Variants in SORCS1 observed in about 807,000 individuals in gnomAD.
SORCS1 encodes VPS10 domain-containing receptor SorCS1.
A neutral mutation model predicts 146.1 loss-of-function variants in SORCS1; 60 were observed. That is an observed-to-expected ratio of 0.41 (90% CI 0.33 to 0.51). The LOEUF (loss-of-function observed/expected upper bound fraction) is 0.51. SORCS1 is among the 20% of genes least tolerant of loss of function. SORCS1 has a pLI of 0.21. For synonymous variants in SORCS1, 637 were observed against 584.0 expected, an observed-to-expected ratio of 1.09 and a Z score of -1.31; for missense variants, 1,352 against 1,487.6, an observed-to-expected ratio of 0.91 and a Z score of 1.50.
chr10:106,662,006 C>T (rs1302136607), intron 17 of SORCS1, among the ~76,000 whole-genome samples: 2 of 152,188 alleles, frequency 1.3e-5, no homozygotes, highest in Non-Finnish European at 2.9e-5. Context: ...GCCACTGGAC[C>T]AAGGAGCAGG....
chr10:106,806,970 C>T (rs553043377), intron 3 of SORCS1, among the ~76,000 whole-genome samples: 1 of 152,102 alleles, frequency 6.6e-6, no homozygotes, highest in Non-Finnish European at 1.5e-5. Flanking sequence ...TAGTCCTGAA[C>T]ACAATATCAA....
intron 1 of SORCS1, among the ~76,000 whole-genome samples, chr10:106,983,019 C>T (rs2139365205): frequency 6.6e-6 from 1 of 150,736 alleles, no homozygotes; most frequent in South Asian, 2.1e-4. Flanking sequence ...ACCAAAGGTG[C>T]TTAAAAAAAA....
intron 17 of SORCS1, among the ~76,000 whole-genome samples, chr10:106,665,732 T>C (rs199712865): frequency 1.3e-5 from 2 of 152,290 alleles, no homozygotes; most frequent in East Asian, 3.9e-4. Context: ...CATGCCTAAA[T>C]ATATAATTCT....
chr10:106,611,159 T>G (rs980360069), intron 22 of SORCS1, among the ~76,000 whole-genome samples: 1 of 152,020 alleles, frequency 6.6e-6, no homozygotes, highest in African/African-American at 2.4e-5. Flanking sequence ...CCAGTGACAT[T>G]TGCTCAGGGA....
At chr10:106,625,519 A>G (rs1163071430) in intron 19 of SORCS1, among the ~76,000 whole-genome samples, 3 of 152,172 alleles carry the variant, frequency 2.0e-5, no homozygotes, top group Non-Finnish European at 4.4e-5. Context: ...GACCCAGAAC[A>G]CCACATTTTT....
At chr10:106,812,366 T>C (rs560083150) in intron 3 of SORCS1, among the ~76,000 whole-genome samples, 20 of 152,320 alleles carry the variant, frequency 1.3e-4, no homozygotes, top group African/African-American at 4.8e-4. Flanking sequence ...ACATTTCACA[T>C]ATGCATGTCT....
intron 1 of SORCS1, among the ~76,000 whole-genome samples, chr10:107,159,219 C>T (rs976741390): frequency 6.6e-6 from 1 of 152,144 alleles, no homozygotes; most frequent in African/African-American, 2.4e-5. Flanking sequence ...GGTTTGTTCC[C>T]TTACAGGTCA....
chr10:107,013,478 GTAGGCTAATAA>G (rs11272863), intron 1 of SORCS1, among the ~76,000 whole-genome samples: 13,470 of 152,102 alleles, frequency 0.089, 1,675 homozygotes, highest in African/African-American at 0.28. Context: ...TTTTCTTTGA[GTAGGCTAATAA>G]GAGACCATTG....
chr10:106,909,466 A>G (rs1952049129), intron 2 of SORCS1, among the ~76,000 whole-genome samples: 1 of 152,208 alleles, frequency 6.6e-6, no homozygotes, highest in Non-Finnish European at 1.5e-5. Context: ...ATGGTTACAG[A>G]GAGAGGGATT....
intron 2 of SORCS1, among the ~76,000 whole-genome samples, chr10:106,892,895 CT>C (rs11352487): frequency 0.36 from 48,794 of 137,016 alleles, 8,245 homozygotes; most frequent in Non-Finnish European, 0.41. Flanking sequence ...TTGGAAAGCC[CT>C]TTTTTTTTTT....
chr10:106,757,844 A>C (rs1858770271), intron 5 of SORCS1, among the ~76,000 whole-genome samples: 2 of 152,214 alleles, frequency 1.3e-5, no homozygotes, highest in South Asian at 4.1e-4. Context: ...CTTCATTCAA[A>C]TTCTGGCTCT....
chr10:106,726,981 G>A (rs1461513638), intron 6 of SORCS1, among the ~76,000 whole-genome samples: 1 of 151,956 alleles, frequency 6.6e-6, no homozygotes, highest in African/African-American at 2.4e-5. Flanking sequence ...AGCTACTCAG[G>A]AGGCTGAGGC....
chr10:106,764,916 G>A (rs748716993), intron 4 of SORCS1, among the ~76,000 whole-genome samples: 34 of 151,578 alleles, frequency 2.2e-4, no homozygotes, highest in Non-Finnish European at 4.4e-4. Flanking sequence ...CCAGCTACTC[G>A]GGAGACTGAG....
At chr10:106,987,968 T>C (rs1308092499) in intron 1 of SORCS1, among the ~76,000 whole-genome samples, 1 of 152,194 alleles carries the variant, frequency 6.6e-6, no homozygotes, top group Non-Finnish European at 1.5e-5. Context: ...CAAAAATTGA[T>C]AAAAACAGAA....
intron 3 of SORCS1, among the ~76,000 whole-genome samples, chr10:106,778,701 C>A (rs1385871212): frequency 6.6e-6 from 1 of 152,092 alleles, no homozygotes; most frequent in Non-Finnish European, 1.5e-5. Flanking sequence ...TGCACTACTG[C>A]CGAAAAGTCA....
chr10:106,607,413 G>A (rs1486927548), intron 22 of SORCS1, 116 bp from the exon 23 acceptor site: 7 of 1,372,054 alleles, frequency 5.1e-6, no homozygotes, highest in Non-Finnish European at 6.8e-6. Flanking sequence ...GGGCCTGAAA[G>A]CAGAGGCCTG....
intron 1 of SORCS1, among the ~76,000 whole-genome samples, chr10:107,069,972 C>T (rs1223392998): frequency 6.6e-6 from 1 of 152,180 alleles, no homozygotes; most frequent in East Asian, 1.9e-4. Flanking sequence ...GCAGTAACTT[C>T]CCACTGTCCT....
chr10:106,782,859 C>T (rs1013976559), intron 3 of SORCS1, among the ~76,000 whole-genome samples: 2 of 152,152 alleles, frequency 1.3e-5, no homozygotes, highest in African/African-American at 4.8e-5. Flanking sequence ...GGCTGGTGCA[C>T]CACAGACTTC....
At chr10:106,825,842 T>G (rs2136971344) in intron 3 of SORCS1, among the ~76,000 whole-genome samples, 1 of 152,284 alleles carries the variant, frequency 6.6e-6, no homozygotes, top group East Asian at 1.9e-4. Context: ...GCTAACCTCA[T>G]ATATCAGCGG....
Sources: allele counts gnomAD v4.1 joint callset (sites outside exome capture counted in the v4.1 genomes callset), GRCh38; gene constraint gnomAD v4.1.1; transcripts MANE v1.5; gene names NCBI Gene and HGNC (gene_info 2026-07-23, HGNC 2026-07-21).